Variants in PRIM2 observed in about 807,000 individuals in gnomAD.
PRIM2 encodes DNA primase subunit 2, also known as DNA primase large subunit.
PRIM2 carries 39 observed loss-of-function variants against 67.3 expected under a neutral mutation model. The ratio of observed to expected loss-of-function variants is 0.58; its 90% CI spans 0.45 to 0.76. The LOEUF (loss-of-function observed/expected upper bound fraction) is 0.76, where lower values mean the gene tolerates loss of function less well. PRIM2 is among the 30% of genes least tolerant of loss of function. The pLI is 0.00. For missense variants in PRIM2, 398 were observed against 598.7 expected (o/e 0.66, Z 3.50); for synonymous variants, 143 against 198.7 (o/e 0.72, Z 2.36).
At chr6:57,615,069 A>G (rs1191924982) in intron 12 of PRIM2, among the ~76,000 whole-genome samples, 18 of 152,178 alleles carry the variant, frequency 1.2e-4, no homozygotes, top group Non-Finnish European at 4.4e-5. Context: ...TTTCCACTTC[A>G]GCTTTTCCTT....
chr6:57,405,996 G>A (rs1770877363), intron 7 of PRIM2, among the ~76,000 whole-genome samples: 1 of 152,216 alleles, frequency 6.6e-6, no homozygotes, highest in Non-Finnish European at 1.5e-5. Flanking sequence ...CATCATATGT[G>A]TGGTCAATAA....
At chr6:57,466,454 C>T (rs991810365) in intron 7 of PRIM2, among the ~76,000 whole-genome samples, 1 of 152,164 alleles carries the variant, frequency 6.6e-6, no homozygotes, top group Non-Finnish European at 1.5e-5. Context: ...TAAAAGCGTT[C>T]CTATTTCTCC....
intron 7 of PRIM2, among the ~76,000 whole-genome samples, chr6:57,435,993 T>C (rs1462737002): frequency 6.6e-6 from 1 of 152,222 alleles, no homozygotes; most frequent in Non-Finnish European, 1.5e-5. Context: ...ATTCAGAGGC[T>C]AGGAAAATTA....
At chr6:57,359,260 A>T (rs112108239) in intron 5 of PRIM2, among the ~76,000 whole-genome samples, 18,194 of 151,478 alleles carry the variant, frequency 0.12, 575 homozygotes, top group African/African-American at 0.17. Flanking sequence ...GGATGCCATT[A>T]AGAATTCTAA....
At position 57,456,772 on chromosome 6, in the gene PRIM2, C is replaced by G. The variant is rs199941844; in HGVS notation, c.694-50615C>G. 1.6e-3 allele frequency among the ~76,000 whole-genome samples: 236 copies of G among 152,214 alleles called. 1 individual carries two copies. The Middle Eastern group carries it at 0.044, about 29-fold the overall frequency. On this transcript the variant is annotated intron_variant, in intron 7 of 13. Transcript: ENST00000615550. ...CTTGGAGTAGTTTGATCATCTGAAG[C>G]CTTCTTTTCTCAACTTGTCAAAGTC... is the stretch of plus-strand genomic sequence containing the variant.
chr6:57,519,897 C>T (rs1774576232), intron 8 of PRIM2, among the ~76,000 whole-genome samples: 1 of 152,210 alleles, frequency 6.6e-6, no homozygotes, highest in Admixed American at 6.5e-5. Flanking sequence ...AATCCACGTT[C>T]TTCTGCCATG....
chr6:57,298,989 G>T, the PRIM2 span, among the ~76,000 whole-genome samples: 1 of 151,922 alleles, frequency 6.6e-6, no homozygotes, highest in Admixed American at 6.6e-5. Flanking sequence ...AAGGCCTCAG[G>T]TTTCATCTTT....
intron 5 of PRIM2, among the ~76,000 whole-genome samples, chr6:57,341,432 C>T (rs9464440): frequency 0.13 from 19,354 of 152,094 alleles, 1,387 homozygotes; most frequent in African/African-American, 0.18. Context: ...TAACCATTCC[C>T]GTGATAGTCT....
At chr6:57,269,339 G>C in the PRIM2 span, among the ~76,000 whole-genome samples, 3 of 152,056 alleles carry the variant, frequency 2.0e-5, no homozygotes, top group African/African-American at 7.3e-5. Flanking sequence ...ACTGGTGTGA[G>C]ATGGTATCTC....
chr6:57,325,411 C>T (rs1307170672), intron 4 of PRIM2, among the ~76,000 whole-genome samples: 3 of 151,706 alleles, frequency 2.0e-5, no homozygotes, highest in Non-Finnish European at 4.4e-5. Flanking sequence ...GGTGATCCTC[C>T]CACCTCAGCC....
chr6:57,327,520 A>C (rs1043700666), intron 5 of PRIM2, among the ~76,000 whole-genome samples: 6 of 152,186 alleles, frequency 3.9e-5, no homozygotes, highest in Admixed American at 6.5e-5. Context: ...CTAGGTAGGC[A>C]GTTTCTATAG....
At position 57,453,848 on chromosome 6, in the gene PRIM2, C is replaced by T. The variant is rs1413947554; in HGVS notation, c.694-53539C>T. ...GTTGAATAGGAGTGGTGAGAGAGGGCATCCCTGTCTTGTGCCAGTTTTCAA... is the reference window on the plus strand; with the variant it reads ...GTTGAATAGGAGTGGTGAGAGAGGGTATCCCTGTCTTGTGCCAGTTTTCAA... On this transcript the variant is annotated intron_variant, in intron 7 of 13. Transcript: ENST00000615550. 2.0e-5 allele frequency among the ~76,000 whole-genome samples: 3 copies of T among 152,302 alleles called. No individual in the cohort carries two copies. In the East Asian group the frequency reaches 5.8e-4, roughly 29 times the overall value.
intron 7 of PRIM2, among the ~76,000 whole-genome samples, chr6:57,462,965 T>G (rs1362940770): frequency 6.6e-6 from 1 of 152,226 alleles, no homozygotes; most frequent in African/African-American, 2.4e-5. Context: ...TAGTTTCTGG[T>G]TCATTATGTC....
chr6:57,492,105 G>C (rs1229541190), intron 7 of PRIM2, among the ~76,000 whole-genome samples: 1 of 152,074 alleles, frequency 6.6e-6, no homozygotes, highest in Non-Finnish European at 1.5e-5. Context: ...AGGTTGTCCG[G>C]GGACCCTTCC....
chr6:57,563,785 C>T (rs1454809872), intron 10 of PRIM2, among the ~76,000 whole-genome samples: 13 of 152,060 alleles, frequency 8.5e-5, no homozygotes, highest in African/African-American at 1.4e-4. Flanking sequence ...GTCAGCCTCC[C>T]GAGTATCTGG....
chr6:57,425,101 C>T lies in PRIM2; in HGVS notation c.693+42933C>T, dbSNP rs1771578237. ...AATAGCTTTGACTTTTCAAGTTTTT[C>T]TCACTTAAAATATGTTCTGTGTCTA... On this transcript the variant is annotated intron_variant, in intron 7 of 13. Coordinates refer to ENST00000615550, the MANE Select transcript of PRIM2 (RefSeq NM_000947.5). Among the ~76,000 whole-genome samples the T allele has an allele frequency of 2.0e-5, 3 of 152,114 alleles. No individual in the cohort carries two copies. In the South Asian group the frequency reaches 6.2e-4, roughly 32 times the overall value.
At chr6:57,314,235 C>T (rs1163493202), upstream of PRIM2, among the ~76,000 whole-genome samples, 1 of 152,144 alleles carries the variant, frequency 6.6e-6, no homozygotes, top group Non-Finnish European at 1.5e-5. Context: ...TCAGTATGGG[C>T]TGGGCGCAGT....
At chr6:57,446,557 G>A (rs559624190) in intron 7 of PRIM2, among the ~76,000 whole-genome samples, 5 of 151,808 alleles carry the variant, frequency 3.3e-5, no homozygotes, top group African/African-American at 1.2e-4. Flanking sequence ...GAGATTACAG[G>A]CACCCGCCAC....
At chr6:57,449,399 T>G (rs1772465696) in intron 7 of PRIM2, among the ~76,000 whole-genome samples, 1 of 152,118 alleles carries the variant, frequency 6.6e-6, no homozygotes, top group Non-Finnish European at 1.5e-5. Context: ...AACTAAATCT[T>G]CTCCTTGTAA....
Sources: allele counts gnomAD v4.1 joint callset (sites outside exome capture counted in the v4.1 genomes callset), GRCh38; gene constraint gnomAD v4.1.1; transcripts MANE v1.5; gene names NCBI Gene and HGNC (gene_info 2026-07-23, HGNC 2026-07-21).